EIF3D: variants seen among roughly 807,000 people sequenced by gnomAD.
EIF3D encodes eukaryotic translation initiation factor 3 subunit D.
Under a neutral mutation model 75.4 loss-of-function variants are expected in EIF3D, and 10 were observed. That is an observed-to-expected ratio of 0.13 (90% CI 0.08 to 0.22). EIF3D has a LOEUF of 0.22. Ranked by LOEUF, EIF3D falls within the 10% of genes least tolerant of loss-of-function variation. The pLI is 1.00. For synonymous variants in EIF3D, 246 were observed against 248.3 expected (o/e 0.99, Z 0.09); for missense variants, 394 against 708.0 (o/e 0.56, Z 5.03).
intron 1 of EIF3D, among the ~76,000 whole-genome samples, chr22:36,528,273 G>A (rs1221830415): frequency 6.6e-6 from 1 of 151,986 alleles, no homozygotes; most frequent in East Asian, 1.9e-4. Context: ...GTTTGAGACC[G>A]TACATCATAA....
Position 36,524,386 on chromosome 22 carries a change from C to T in EIF3D, c.306+210G>A, listed in dbSNP as rs562599393. On this transcript the variant is annotated intron_variant, in intron 4 of 14. Coordinates refer to ENST00000216190, the MANE Select transcript of EIF3D (RefSeq NM_003753.4). ...ACAAGTCTGATGTCCTAGCTACTGGCAAACAGAAATATAAACTATTTAAAT... is the reference window on the plus strand; with the variant it reads ...ACAAGTCTGATGTCCTAGCTACTGGTAAACAGAAATATAAACTATTTAAAT... Among the ~76,000 whole-genome samples, 4 of 152,308 alleles carry T rather than the reference C, an allele frequency of 2.6e-5. No individual in the cohort carries two copies. The South Asian group carries it at 8.3e-4, about 32-fold the overall frequency.
chr22:36,519,621 A>C, intron 7 of EIF3D, 84 bp from the exon 8 acceptor site: 1 of 1,576,612 alleles, frequency 6.3e-7, no homozygotes, highest in South Asian at 1.2e-5. Flanking sequence ...CAGAAGTCTT[A>C]TCCAAAAGTC....
intron 12 of EIF3D, among the ~76,000 whole-genome samples, chr22:36,513,915 C>A (rs1209578300): frequency 1.9e-4 from 29 of 152,156 alleles, no homozygotes; most frequent in Admixed American, 1.8e-3. Flanking sequence ...GTGTATTGGA[C>A]AATTGACTGG....
At position 36,518,938 on chromosome 22, in the gene EIF3D, G is replaced by A. The variant is rs1376025686; in HGVS notation, c.712-28C>T. The A allele has an allele frequency of 2.5e-6, 4 of 1,611,358 alleles. No homozygotes were observed. In the South Asian group the frequency reaches 3.3e-5, roughly 13 times the overall value. On this transcript the variant is annotated intron_variant, in intron 8 of 14. Coordinates refer to ENST00000216190, the MANE Select transcript of EIF3D (RefSeq NM_003753.4). Reference sequence around the variant, plus strand: ...GCAAAGAGGATCAAAGAGAGAAGATGGAAAGACACTCCCAGGTCTCACTGC... The same window carrying A: ...GCAAAGAGGATCAAAGAGAGAAGATAGAAAGACACTCCCAGGTCTCACTGC...
In EIF3D at chr22:36,518,871, T is replaced by A; in HGVS notation, c.751A>T (p.Ile251Phe). ...TQGNVFATDA[I>F]LATLMSCTRS... ...GTACAGCTCATCAGCGTGGCCAGGATGGCATCAGTGGCAAACACATTCCCC... is the reference window on the plus strand; with the variant it reads ...GTACAGCTCATCAGCGTGGCCAGGAAGGCATCAGTGGCAAACACATTCCCC... Residue 251 changes from isoleucine to phenylalanine, a missense_variant, in exon 9 of 15, where the codon ATC becomes TTC. Coordinates refer to ENST00000216190, the MANE Select transcript of EIF3D (RefSeq NM_003753.4). The A allele has an allele frequency of 6.2e-7, 1 of 1,614,162 alleles. No individual in the cohort carries two copies. Among genetic ancestry groups the A allele is most frequent in the Non-Finnish European group, 8.5e-7 (1 of 1,180,028 alleles).
intron 3 of EIF3D, among the ~76,000 whole-genome samples, chr22:36,525,083 A>G (rs1056433400): frequency 6.6e-6 from 1 of 152,128 alleles, no homozygotes; most frequent in Admixed American, 6.6e-5. Flanking sequence ...TCAGGGGCCC[A>G]TGGCAGGTAT....
chr22:36,516,090 G>C (rs1461994159), intron 12 of EIF3D: 1 of 170,264 alleles, frequency 5.9e-6, no homozygotes, highest in Non-Finnish European at 1.2e-5. Context: ...AGGTCAAAAA[G>C]AAGAGCGGCC....
chr22:36,516,825 C>T (rs1934435509), intron 10 of EIF3D, 35 bp from the exon 11 acceptor site: 2 of 1,601,128 alleles, frequency 1.2e-6, no homozygotes, highest in Admixed American at 1.7e-5. Context: ...ACAGAGCTAA[C>T]TTTGTTGACA....
At chr22:36,519,901 A>T (rs1240951078) in intron 7 of EIF3D, among the ~76,000 whole-genome samples, 1 of 152,198 alleles carries the variant, frequency 6.6e-6, no homozygotes, top group Non-Finnish European at 1.5e-5. Context: ...AAGCTATTTG[A>T]AATGTCAGGA....
chr22:36,525,934 A>G (rs1486306461), intron 2 of EIF3D, 65 bp downstream of exon 2: 15 of 1,547,150 alleles, frequency 9.7e-6, no homozygotes, highest in Non-Finnish European at 1.1e-5. Flanking sequence ...AATAAAATCT[A>G]AACAGGGACT....
chr22:36,519,357 C>G (rs1296365577), intron 8 of EIF3D, 48 bp downstream of exon 8: 2 of 1,609,930 alleles, frequency 1.2e-6, no homozygotes, highest in Admixed American at 1.7e-5. Context: ...GCTGTAGAAG[C>G]CGACAGCATT....
At chr22:36,527,675 C>T (rs1428845739) in intron 1 of EIF3D, among the ~76,000 whole-genome samples, 1 of 152,162 alleles carries the variant, frequency 6.6e-6, no homozygotes, top group Non-Finnish European at 1.5e-5. Context: ...CCAGTCTCTA[C>T]TAAAAATACA....
chr22:36,518,547 T>C (rs1438344734), intron 9 of EIF3D, among the ~76,000 whole-genome samples: 2 of 150,976 alleles, frequency 1.3e-5, no homozygotes, highest in Admixed American at 6.6e-5. Flanking sequence ...GCTATTAGGG[T>C]GCTGTGAGGA....
Position 36,519,499 on chromosome 22 carries a change from A to G in EIF3D, c.617T>C (p.Phe206Ser), listed in dbSNP as rs1363700975. Reference protein sequence around the residue: ...CGALEYYDKAFDRITTRSEKP... With the variant: ...CGALEYYDKASDRITTRSEKP... ...CTCACTCCTCGTGGTGATGCGGTCA[A>G]AGGCTTTGTCGTAGTATTCTAGGGC... Residue 206 changes from phenylalanine to serine, a missense_variant, in exon 8 of 15, where the codon TTT (phenylalanine) becomes TCT (serine). Transcript: ENST00000216190. The G allele has an allele frequency of 1.9e-6, 3 of 1,614,082 alleles. No homozygotes were observed. The highest frequency in any genetic ancestry group is 3.3e-5 in the Admixed American group (2 of 59,998).
At chr22:36,516,830 T>C in intron 10 of EIF3D, 40 bp from the exon 11 acceptor site, 2 of 1,587,082 alleles carry the variant, frequency 1.3e-6, no homozygotes, top group Non-Finnish European at 1.7e-6. Flanking sequence ...GCTAACTTTG[T>C]TGACAAGGCC....
intron 14 of EIF3D, chr22:36,511,260 A>G: frequency 3.5e-6 from 3 of 854,958 alleles, no homozygotes; most frequent in Non-Finnish European, 5.2e-6. Flanking sequence ...GACTTCCCTC[A>G]TCTTCCTCTA....
At position 36,511,496 on chromosome 22, in the gene EIF3D, T is replaced by C; in HGVS notation, c.1633+7A>G. On this transcript the variant is annotated splice_region_variant and intron_variant, in intron 14 of 14. Coordinates refer to ENST00000216190, the MANE Select transcript of EIF3D (RefSeq NM_003753.4). ...CTCTAGACCTCAGAAAGTGGGCTGC[T>C]ACACACCTTCTTCTTCCTCTTCTTC... The C allele has an allele frequency of 6.2e-7, 1 of 1,613,832 alleles. No individual in the cohort carries two copies. The highest frequency in any genetic ancestry group is 1.1e-5 in the South Asian group (1 of 91,058).
At chr22:36,511,894 C>T (rs1279719635) in intron 13 of EIF3D, 108 bp from the exon 14 acceptor site, 550 of 1,269,298 alleles carry the variant, frequency 4.3e-4, no homozygotes, top group South Asian at 7.4e-4. Context: ...GCTATTTTTT[C>T]TTTTTTTTTT....
intron 3 of EIF3D, 120 bp downstream of exon 3, chr22:36,525,544 G>C: frequency 3.4e-6 from 4 of 1,159,558 alleles, no homozygotes; most frequent in South Asian, 1.3e-5. Context: ...ATCCCTAAAA[G>C]TTATGAATTA....
Sources: gnomAD v4.1 joint callset for allele counts (sites outside exome capture counted in the v4.1 genomes callset) on GRCh38, gnomAD v4.1.1 for gene constraint, MANE v1.5 for transcripts, NCBI Gene and HGNC (gene_info 2026-07-23, HGNC 2026-07-21) for gene names.